Variants in RAD51B observed in about 807,000 individuals in gnomAD.
RAD51B encodes DNA repair protein RAD51 homolog 2.
Under a neutral mutation model 42.2 loss-of-function variants are expected in RAD51B, and 38 were observed. The observed-to-expected ratio is 0.90, with a 90% CI of 0.70 to 1.18. The LOEUF (loss-of-function observed/expected upper bound fraction) is 1.18, where lower values mean the gene tolerates loss of function less well. Among genes scored for constraint, RAD51B ranks in the 50% most tolerant of loss-of-function variants. The probability of loss-of-function intolerance (pLI) is 0.00; values close to 1 mark genes in which losing one functional copy is unlikely to be tolerated. For missense variants in RAD51B, 373 were observed against 400.7 expected (o/e 0.93, Z 0.59); for synonymous variants, 154 against 145.2 (o/e 1.06, Z -0.43).
chr14:68,481,627 T>G (rs1278582373), downstream of RAD51B, among the ~76,000 whole-genome samples: 9 of 152,206 alleles, frequency 5.9e-5, no homozygotes. Flanking sequence ...ACAGGTAGAA[T>G]TTTGTATTAT....
Position 67,920,477 on chromosome 14 carries a change from T to C in RAD51B, c.756+33273T>C, listed in dbSNP as rs185453561. On this transcript the variant is annotated intron_variant, in intron 7 of 10. Transcript: ENST00000471583. The stretch of plus-strand genomic sequence containing the variant: ...CAGTATTTCTCTTATATAAATATGG[T>C]TTATGGTTATGTCTAATCTCATTTC... Among the ~76,000 whole-genome samples, 312 of 152,288 alleles carry C rather than the reference T, an allele frequency of 2.0e-3. 3 individuals are homozygous for C. The highest frequency in any genetic ancestry group is 0.019 in the Admixed American group (292 of 15,294).
At chr14:68,366,562 A>G (rs942088377) in intron 8 of RAD51B, among the ~76,000 whole-genome samples, 1 of 152,248 alleles carries the variant, frequency 6.6e-6, no homozygotes, top group Non-Finnish European at 1.5e-5. Flanking sequence ...TTGAAGGCTC[A>G]TCTGAACATT....
chr14:67,888,404 C>G lies in RAD51B; in HGVS notation c.756+1200C>G, dbSNP rs569842158. Among the ~76,000 whole-genome samples, 8 of 152,170 alleles carry G rather than the reference C, an allele frequency of 5.3e-5. No individual in the cohort carries two copies. The South Asian group carries it at 1.7e-3, about 32-fold the overall frequency. On this transcript the variant is annotated intron_variant, in intron 7 of 10. Transcript: ENST00000471583. Reference sequence around the variant, plus strand: ...CCCTCTGTATCTGTGGGTTCTGCATCCATGGATTCAACCAACTAAAGATAG... The same window carrying G: ...CCCTCTGTATCTGTGGGTTCTGCATGCATGGATTCAACCAACTAAAGATAG...
At chr14:68,519,138 CT>C (rs1443359838) in intron 10 of RAD51B, among the ~76,000 whole-genome samples, 1 of 152,226 alleles carries the variant, frequency 6.6e-6, no homozygotes, top group East Asian at 1.9e-4. Flanking sequence ...ACAAACCAGG[CT>C]TTTCCACCTC....
In RAD51B at chr14:68,674,042, A is replaced by G. The variant is rs140884076; in HGVS notation, c.*11+23186A>G. ...ACATACACATACTGTATGCACACAT[A>G]TATACATCCACACACATATACACAT... On this transcript the variant is annotated intron_variant, in intron 11 of 11. Transcript: ENST00000488612. Among the ~76,000 whole-genome samples, 65 of 152,276 alleles carry G rather than the reference A, an allele frequency of 4.3e-4. No homozygotes were observed. In the East Asian group the frequency reaches 9.6e-3, roughly 23 times the overall value.
intron 7 of RAD51B, among the ~76,000 whole-genome samples, chr14:68,050,027 A>T (rs1034347931): frequency 6.6e-6 from 1 of 152,074 alleles, no homozygotes; most frequent in African/African-American, 2.4e-5. Flanking sequence ...CTTACTTTAC[A>T]ATTTATTTAA....
intron 7 of RAD51B, chr14:68,236,325 G>A (rs1250909263): frequency 6.6e-6 from 1 of 152,236 alleles, no homozygotes; most frequent in Non-Finnish European, 1.5e-5. Flanking sequence ...CAGCATAGGA[G>A]TTTGATGTGC....
chr14:68,281,907 C>G (rs528315632), intron 7 of RAD51B, among the ~76,000 whole-genome samples: 8 of 152,046 alleles, frequency 5.3e-5, no homozygotes, highest in African/African-American at 1.9e-4. Context: ...GTATCAGAGA[C>G]TAAAAACCTG....
intron 8 of RAD51B, among the ~76,000 whole-genome samples, chr14:68,307,021 T>C (rs1207930150): frequency 1.4e-4 from 7 of 51,224 alleles, no homozygotes; most frequent in Middle Eastern, 6.8e-3. Flanking sequence ...TTTTTTTTTT[T>C]CCCTATCTGG....
At chr14:68,127,361 T>TATAATCGTTGTCTCTTCTATTGTTG (rs2077784686) in intron 7 of RAD51B, among the ~76,000 whole-genome samples, 2 of 152,170 alleles carry the variant, frequency 1.3e-5, no homozygotes, top group South Asian at 4.1e-4. Flanking sequence ...AACGATTTGT[T>TATAATCGTTGTCTCTTCTATTGTTG]TATATAGCTG....
chr14:68,463,872 G>A (rs2085909296), intron 9 of RAD51B, among the ~76,000 whole-genome samples: 1 of 152,196 alleles, frequency 6.6e-6, no homozygotes, highest in Admixed American at 6.5e-5. Context: ...GTGAGGAGGA[G>A]AGCAGGACTA....
intron 7 of RAD51B, among the ~76,000 whole-genome samples, chr14:68,180,666 G>A (rs1391821767): frequency 6.6e-6 from 1 of 152,176 alleles, no homozygotes; most frequent in African/African-American, 2.4e-5. Context: ...GAGCCAGAAT[G>A]CAAAACTACT....
At chr14:68,421,775 C>T in intron 9 of RAD51B, 3 of 1,598,696 alleles carry the variant, frequency 1.9e-6, no homozygotes, top group Non-Finnish European at 2.6e-6. Context: ...CACTCCATGC[C>T]TCCACAATAT....
At position 68,144,237 on chromosome 14, in the gene RAD51B, A is replaced by G. The variant is rs370753275; in HGVS notation, c.757-147647A>G. Among the ~76,000 whole-genome samples, 5 of 152,142 alleles carry G rather than the reference A, an allele frequency of 3.3e-5. No individual in the cohort carries two copies. In the South Asian group the frequency reaches 6.2e-4, roughly 19 times the overall value. On this transcript the variant is annotated intron_variant, in intron 7 of 10. Transcript: ENST00000471583. Reference sequence around the variant, plus strand: ...TCTGTCTAGCCCCAGCTGTTGGAGAACTAGCTTAGGTGTACTTTCACCCCT... The same window carrying G: ...TCTGTCTAGCCCCAGCTGTTGGAGAGCTAGCTTAGGTGTACTTTCACCCCT...
chr14:68,541,312 G>T, intron 10 of RAD51B: 1 of 985,470 alleles, frequency 1.0e-6, no homozygotes, highest in Non-Finnish European at 1.2e-6. Flanking sequence ...TGGCTAAGGA[G>T]AACTGGCTCT....
At chr14:68,046,423 CT>C (rs2140408091) in intron 7 of RAD51B, among the ~76,000 whole-genome samples, 1 of 152,296 alleles carries the variant, frequency 6.6e-6, no homozygotes, top group South Asian at 2.1e-4. Flanking sequence ...GGCCCTAAAA[CT>C]TTTAGAGCCA....
chr14:68,616,282 C>G (rs1891825027), downstream of RAD51B, among the ~76,000 whole-genome samples: 1 of 152,014 alleles, frequency 6.6e-6, no homozygotes, highest in Non-Finnish European at 1.5e-5. Flanking sequence ...CTTATGTTAA[C>G]ATTTCTTTAG....
chr14:68,588,580 TGG>T (rs1890596880), intron 10 of RAD51B, among the ~76,000 whole-genome samples: 1 of 152,182 alleles, frequency 6.6e-6, no homozygotes, highest in Non-Finnish European at 1.5e-5. Flanking sequence ...GAATGCGGTC[TGG>T]CAGGGTCAGT....
chr14:67,962,980 ATTC>A (rs1353833308), intron 7 of RAD51B, among the ~76,000 whole-genome samples: 2 of 152,156 alleles, frequency 1.3e-5, no homozygotes, highest in African/African-American at 4.8e-5. Flanking sequence ...ATGTTAATCT[ATTC>A]TTTGTGGTTT....
Sources: gnomAD v4.1 joint callset for allele counts (sites outside exome capture counted in the v4.1 genomes callset) on GRCh38, gnomAD v4.1.1 for gene constraint, MANE v1.5 for transcripts, NCBI Gene and HGNC (gene_info 2026-07-23, HGNC 2026-07-21) for gene names.